TRPM1: variants seen among roughly 807,000 people sequenced by gnomAD.
TRPM1 encodes the protein transient receptor potential cation channel subfamily M member 1.
In TRPM1, 113 loss-of-function variants were observed where a neutral mutation model predicts 149.4. That is an observed-to-expected ratio of 0.76 (90% CI 0.65 to 0.88). The LOEUF is 0.88. Ranked by LOEUF, TRPM1 falls within the 40% of genes least tolerant of loss-of-function variation. TRPM1 has a pLI of 0.00. For missense variants in TRPM1, 1,976 were observed against 2,038.7 expected (o/e 0.97, Z 0.59); for synonymous variants, 741 against 759.5 (o/e 0.98, Z 0.40).
intron 27 of TRPM1, among the ~76,000 whole-genome samples, chr15:31,009,893 C>A (rs891501007): frequency 2.4e-4 from 37 of 152,160 alleles, no homozygotes; most frequent in African/African-American, 8.2e-4. Flanking sequence ...TTCTTAATAT[C>A]TTCTATTCTT....
Position 31,002,044 on chromosome 15 carries a change from C to A in TRPM1, c.4656G>T (p.Gly1552=). The change falls in exon 28 of 28, where the codon GGG becomes GGT. Residue 1552 remains glycine (G), a synonymous_variant. Transcript: ENST00000256552. ...GCTTCACAGACAGTAAGTTTTCCATCCCATTTCTGTCAGTAATGGTTAGGG... is the reference window on the plus strand; with the variant it reads ...GCTTCACAGACAGTAAGTTTTCCATACCATTTCTGTCAGTAATGGTTAGGG... ...RLSLTITDRN[G]MENLLSVKPD... The A allele has an allele frequency of 1.9e-6, 3 of 1,614,188 alleles. No homozygotes were observed. The highest frequency in any genetic ancestry group is 2.5e-6 in the Non-Finnish European group (3 of 1,180,036).
At chr15:31,109,807 T>C (rs973182094) in intron 1 of TRPM1, among the ~76,000 whole-genome samples, 6 of 151,656 alleles carry the variant, frequency 4.0e-5, no homozygotes, top group Non-Finnish European at 5.9e-5. Context: ...GAGTTGGAGA[T>C]GACAGACAGT....
At chr15:31,012,988 C>CT (rs569663527) in intron 27 of TRPM1, among the ~76,000 whole-genome samples, 2,014 of 110,312 alleles carry the variant, frequency 0.018, 14 homozygotes, top group Middle Eastern at 0.058. Flanking sequence ...TTTTTTTTTT[C>CT]TTTTTTTTTT....
intron 27 of TRPM1, among the ~76,000 whole-genome samples, chr15:31,007,863 C>T (rs547200455): frequency 1.3e-5 from 2 of 152,304 alleles, no homozygotes; most frequent in South Asian, 4.1e-4. Flanking sequence ...CTTTCATCAG[C>T]ACTTTGTAGT....
chr15:31,117,665 TACACACACAC>T (rs56686910), intron 1 of TRPM1, among the ~76,000 whole-genome samples: 8,152 of 135,994 alleles, frequency 0.06, 840 homozygotes, highest in African/African-American at 0.21. Flanking sequence ...AAAAAAAAAA[TACACACACAC>T]ACACACACAC....
At chr15:31,123,364 T>G (rs972491553) in intron 1 of TRPM1, among the ~76,000 whole-genome samples, 1 of 152,162 alleles carries the variant, frequency 6.6e-6, no homozygotes, top group Non-Finnish European at 1.5e-5. Context: ...TTCTGCTCTG[T>G]AAAAGACATG....
intron 18 of TRPM1, among the ~76,000 whole-genome samples, chr15:31,038,991 C>CTTT (rs1175210129): frequency 3.0e-5 from 4 of 131,462 alleles, no homozygotes; most frequent in Non-Finnish European, 5.0e-5. Flanking sequence ...CATGCTTCCC[C>CTTT]TTTTTTTTTT....
At position 31,063,144 on chromosome 15, in the gene TRPM1, A is replaced by C; in HGVS notation, c.939T>G (p.Phe313Leu). 1.9e-6 allele frequency: 3 copies of C among 1,614,238 alleles called. No homozygotes were observed. The highest frequency in any genetic ancestry group is 2.5e-6 in the Non-Finnish European group (3 of 1,180,032). ...GSGRASDILS[F>L]AHKYCEEGGI... is the part of the protein sequence containing the mutation. ...CGCCTTCTTCACAGTACTTGTGCGC[A>C]AAGGACAGGATGTCCGAGGCACGTC... The change falls in exon 8 of 28, where the codon TTT becomes TTG. Residue 313 changes from phenylalanine (F) to leucine (L), a missense_variant. By Grantham distance (22) the Phe-to-Leu change is conservative. Transcript: ENST00000256552.
intron 11 of TRPM1, among the ~76,000 whole-genome samples, chr15:31,050,984 A>G (rs759361663): frequency 2.6e-5 from 4 of 152,254 alleles, no homozygotes; most frequent in Admixed American, 6.5e-5. Context: ...ACATGTGTCC[A>G]TAGTTGTTTA....
intron 22 of TRPM1, 56 bp from the exon 23 acceptor site, chr15:31,031,213 C>G: frequency 6.3e-7 from 1 of 1,596,808 alleles, no homozygotes; most frequent in Non-Finnish European, 8.6e-7. Context: ...CAAGTTCACC[C>G]TGGCTCATTA....
chr15:31,142,901 GA>G (rs1567077549), intron 1 of TRPM1, among the ~76,000 whole-genome samples: 2 of 152,168 alleles, frequency 1.3e-5, no homozygotes, highest in Non-Finnish European at 2.9e-5. Context: ...ACAATTGTAT[GA>G]GATTTCTAGA....
rs35981768 is a variant in TRPM1, at chr15:31,156,195, CAAAAAAA to C, written c.54+4704_54+4710del. On this transcript the variant is annotated intron_variant, in intron 1 of 26. Transcript: ENST00000542188. ...CTGGGTGACAGAGCGAGACCTCTGT[CAAAAAAA>C]AAAAAAAAAAAAAAAAAAAGGAAAT... 1.4e-3 allele frequency among the ~76,000 whole-genome samples: 50 copies of C among 36,656 alleles called. No homozygotes were observed. The South Asian group carries it at 0.015, about 11-fold the overall frequency. The allele number at this position is 36,656 out of a possible 152,430, so 24.0% of individuals were successfully genotyped here.
chr15:31,145,316 CAGA>C lies in TRPM1; in HGVS notation c.54+15587_54+15589del, dbSNP rs146838849. Among the ~76,000 whole-genome samples, 490 of 152,284 alleles carry C rather than the reference CAGA, an allele frequency of 3.2e-3. 3 individuals carry two copies. Among genetic ancestry groups the C allele is most frequent in the African/African-American group, 0.011 (462 of 41,558 alleles). ...CTGTGGACAGCCTTCTCCAAGATGG[CAGA>C]AGAAGACTCCATGTCATAATGACTC... is the stretch of plus-strand genomic sequence containing the variant. On this transcript the variant is annotated intron_variant, in intron 1 of 26. Transcript: ENST00000542188.
intron 1 of TRPM1, among the ~76,000 whole-genome samples, chr15:31,147,658 C>T (rs968026775): frequency 3.3e-5 from 5 of 152,170 alleles, no homozygotes; most frequent in African/African-American, 7.2e-5. Context: ...GAGGTGCGAG[C>T]GAGGCCTGTG....
intron 27 of TRPM1, among the ~76,000 whole-genome samples, chr15:31,017,168 T>C (rs1050848928): frequency 5.9e-5 from 9 of 151,842 alleles, no homozygotes; most frequent in African/African-American, 2.2e-4. Context: ...TAGCCGGACA[T>C]GGTGGCGTGC....
At chr15:31,061,349 C>T in intron 10 of TRPM1, 93 bp downstream of exon 10, 2 of 1,285,064 alleles carry the variant, frequency 1.6e-6, no homozygotes, top group South Asian at 1.2e-5. Context: ...GGGTCTAGCA[C>T]CAGCAGACAT....
chr15:31,109,890 A>C (rs2035661656), intron 1 of TRPM1, among the ~76,000 whole-genome samples: 1 of 152,154 alleles, frequency 6.6e-6, no homozygotes, highest in African/African-American at 2.4e-5. Flanking sequence ...GCAAAGAAAG[A>C]GGACAATAAT....
At chr15:31,152,355 G>C (rs1032063026) in intron 1 of TRPM1, among the ~76,000 whole-genome samples, 1 of 152,208 alleles carries the variant, frequency 6.6e-6, no homozygotes, top group African/African-American at 2.4e-5. Context: ...GGGTTCAAAA[G>C]GTGTCTTCAG....
rs571200626 is a variant in TRPM1, at chr15:31,149,720, C to T, written c.54+11186G>A. Among the ~76,000 whole-genome samples, 171 of 152,096 alleles carry T rather than the reference C, an allele frequency of 1.1e-3. No individual in the cohort carries two copies. In the East Asian group the frequency reaches 0.023, roughly 20 times the overall value. ...ATTTTTAGTAGAGACGGGGTTTCAC[C>T]GTGTTAGCCAGGATGGTCTCGATCT... is the stretch of plus-strand genomic sequence containing the variant. On this transcript the variant is annotated intron_variant, in intron 1 of 26. Coordinates refer to the TRPM1 transcript ENST00000542188.
Sources: gnomAD v4.1 joint callset for allele counts (sites outside exome capture counted in the v4.1 genomes callset) on GRCh38, gnomAD v4.1.1 for gene constraint, MANE v1.5 for transcripts, NCBI Gene and HGNC (gene_info 2026-07-23, HGNC 2026-07-21) for gene names.